Variants in PCDH15 observed in about 807,000 individuals in gnomAD.
The protein encoded by PCDH15 is protocadherin-15.
PCDH15 carries 129 observed loss-of-function variants against 178.5 expected under a neutral mutation model. The observed-to-expected ratio is 0.72, with a 90% CI of 0.63 to 0.84. The LOEUF (loss-of-function observed/expected upper bound fraction) is 0.84, where lower values mean the gene tolerates loss of function less well. Ranked by LOEUF, PCDH15 falls within the 40% of genes least tolerant of loss-of-function variation. The pLI is 0.00. For missense variants in PCDH15, 2,230 were observed against 2,099.9 expected (o/e 1.06, Z -1.21); for synonymous variants, 800 against 732.0 (o/e 1.09, Z -1.50).
intron 1 of PCDH15, among the ~76,000 whole-genome samples, chr10:54,673,488 G>A (rs911804072): frequency 2.6e-5 from 4 of 152,130 alleles, no homozygotes; most frequent in Non-Finnish European, 5.9e-5. Flanking sequence ...GCCCAGGCTG[G>A]AGTGCAATGG....
intron 3 of PCDH15, among the ~76,000 whole-genome samples, chr10:54,893,294 T>G (rs1402354442): frequency 1.3e-5 from 2 of 152,142 alleles, no homozygotes; most frequent in Non-Finnish European, 2.9e-5. Context: ...AAATATGTAT[T>G]ATAATGCACT....
intron 2 of PCDH15, among the ~76,000 whole-genome samples, chr10:54,897,890 CTG>C (rs1469913858): frequency 1.3e-5 from 2 of 152,096 alleles, no homozygotes; most frequent in African/African-American, 4.8e-5. Flanking sequence ...ATAAATATAA[CTG>C]AATATATTTG....
intron 2 of PCDH15, among the ~76,000 whole-genome samples, chr10:55,333,193 T>G (rs1046757057): frequency 6.6e-6 from 1 of 152,060 alleles, no homozygotes; most frequent in Admixed American, 6.6e-5. Context: ...AACTCAGAAT[T>G]TATGTGATTA....
At chr10:55,024,661 T>A (rs2131959157) in intron 2 of PCDH15, among the ~76,000 whole-genome samples, 1 of 152,200 alleles carries the variant, frequency 6.6e-6, no homozygotes, top group South Asian at 2.1e-4. Context: ...CATTATTATT[T>A]ATTTGGTCAA....
At chr10:53,900,349 GA>G in intron 26 of PCDH15, among the ~76,000 whole-genome samples, 1 of 151,726 alleles carries the variant, frequency 6.6e-6, no homozygotes, top group East Asian at 1.9e-4. Flanking sequence ...TCCCTAGTCT[GA>G]ATTACCCACT....
At chr10:55,224,419 A>C (rs1423859877) in intron 1 of PCDH15, among the ~76,000 whole-genome samples, 4 of 152,078 alleles carry the variant, frequency 2.6e-5, no homozygotes, top group Non-Finnish European at 5.9e-5. Flanking sequence ...CTGTGCTTTA[A>C]GGGTCCTTGT....
intron 27 of PCDH15, among the ~76,000 whole-genome samples, 161 bp from the exon 28 acceptor site, chr10:53,857,424 C>T (rs1487402481): frequency 2.6e-5 from 4 of 151,994 alleles, no homozygotes; most frequent in Non-Finnish European, 5.9e-5. Context: ...ATATGATCTA[C>T]ACAAGGGGTT....
At chr10:55,128,172 A>G (rs912608212) in intron 2 of PCDH15, among the ~76,000 whole-genome samples, 1 of 151,936 alleles carries the variant, frequency 6.6e-6, no homozygotes, top group African/African-American at 2.4e-5. Flanking sequence ...TTTGAAGCTC[A>G]AAGCTATTCC....
At chr10:55,507,067 A>G (rs1206536628) in intron 2 of PCDH15, among the ~76,000 whole-genome samples, 1 of 151,542 alleles carries the variant, frequency 6.6e-6, no homozygotes, top group Non-Finnish European at 1.5e-5. Context: ...CACAGCATCT[A>G]TAAATTTTAA....
At chr10:54,068,842 CTG>C (rs796312459) in intron 17 of PCDH15, among the ~76,000 whole-genome samples, 2 of 151,978 alleles carry the variant, frequency 1.3e-5, no homozygotes, top group South Asian at 2.1e-4. Flanking sequence ...GTGCATTAGT[CTG>C]TGTGTTATAT....
Position 54,378,793 on chromosome 10 carries a change from G to T in PCDH15, c.307C>A (p.Leu103Met), listed in dbSNP as rs769350818. The T allele has an allele frequency of 6.2e-7, 1 of 1,613,620 alleles. No individual in the cohort carries two copies. The change falls in exon 4 of 38, where the codon CTG becomes ATG. Residue 103 changes from leucine (L) to methionine (M), a missense_variant. Transcript: ENST00000644397. Reference sequence around the variant, plus strand: ...AAAAAATCACTAACATCTCTATCCAGAACTCTTCCGGTGCTGTTCAGGAAA... The same window carrying T: ...AAAAAATCACTAACATCTCTATCCATAACTCTTCCGGTGCTGTTCAGGAAA... ...MLFLNSTGRV[L>M]DRDPPMNIHS...
At chr10:54,514,091 A>G (rs1178570709) in intron 3 of PCDH15, among the ~76,000 whole-genome samples, 1 of 152,232 alleles carries the variant, frequency 6.6e-6, no homozygotes, top group Non-Finnish European at 1.5e-5. Flanking sequence ...GAAAACAATT[A>G]TGTGCTTTAC....
intron 29 of PCDH15, among the ~76,000 whole-genome samples, chr10:53,833,956 T>C (rs1200254598): frequency 6.6e-6 from 1 of 152,166 alleles, no homozygotes; most frequent in Non-Finnish European, 1.5e-5. Flanking sequence ...ATTTAATTTA[T>C]AAATTAGGCA....
intron 8 of PCDH15, among the ~76,000 whole-genome samples, chr10:54,309,975 GA>G (rs1219348611): frequency 6.6e-6 from 1 of 152,024 alleles, no homozygotes; most frequent in African/African-American, 2.4e-5. Context: ...ATCACAAAGA[GA>G]AACTATTAGT....
chr10:54,164,906 G>A (rs1051486278), intron 13 of PCDH15, among the ~76,000 whole-genome samples: 1 of 152,102 alleles, frequency 6.6e-6, no homozygotes, highest in African/African-American at 2.4e-5. Context: ...AAATCAACTT[G>A]GAGCTGTGTA....
intron 8 of PCDH15, among the ~76,000 whole-genome samples, chr10:54,312,193 T>C (rs373514466): frequency 3.3e-5 from 5 of 151,902 alleles, no homozygotes; most frequent in African/African-American, 4.8e-5. Flanking sequence ...TAAAGGAAAA[T>C]AGAAAAAGAG....
chr10:54,211,932 T>A lies in PCDH15; in HGVS notation c.1098+2004A>T, dbSNP rs189691939. Among the ~76,000 whole-genome samples, 582 of 152,070 alleles carry A rather than the reference T, an allele frequency of 3.8e-3. 1 individual carries two copies. Among genetic ancestry groups the A allele is most frequent in the Non-Finnish European group, 5.8e-3 (395 of 67,954 alleles). On this transcript the variant is annotated intron_variant, in intron 10 of 37. Coordinates refer to ENST00000644397, the MANE Select transcript of PCDH15 (RefSeq NM_001384140.1). The stretch of plus-strand genomic sequence containing the variant: ...TGACTTCACACAAAACATAGTAATT[T>A]GAATCTAATATTGTCTGTTAAAACT...
chr10:54,116,028 A>C (rs1446975981), intron 15 of PCDH15, among the ~76,000 whole-genome samples: 2 of 152,170 alleles, frequency 1.3e-5, no homozygotes, highest in Non-Finnish European at 2.9e-5. Context: ...CAATTTTTAA[A>C]AGTCAGGGAA....
chr10:54,485,091 C>T (rs1205889835), intron 3 of PCDH15, among the ~76,000 whole-genome samples: 1 of 151,690 alleles, frequency 6.6e-6, no homozygotes, highest in Non-Finnish European at 1.5e-5. Context: ...TTGTGAAATT[C>T]CACAATATGA....
Sources: allele counts gnomAD v4.1 joint callset (sites outside exome capture counted in the v4.1 genomes callset), GRCh38; gene constraint gnomAD v4.1.1; transcripts MANE v1.5; gene names NCBI Gene and HGNC (gene_info 2026-07-23, HGNC 2026-07-21).